CNTN4: variants seen among roughly 807,000 people sequenced by gnomAD.
CNTN4 encodes contactin 4.
Under a neutral mutation model 122.5 loss-of-function variants are expected in CNTN4, and 77 were observed. That is an observed-to-expected ratio of 0.63 (90% confidence interval 0.52 to 0.76). CNTN4 has a LOEUF of 0.76. Ranked by LOEUF, CNTN4 falls within the 30% of genes least tolerant of loss-of-function variation. The pLI, the probability that CNTN4 is intolerant of heterozygous loss-of-function variation, is 0.00. For synonymous variants in CNTN4, 512 were observed against 447.0 expected (o/e 1.15, Z -1.83); for missense variants, 1,256 against 1,259.1 (o/e 1.00, Z 0.04).
intron 3 of CNTN4, among the ~76,000 whole-genome samples, chr3:2,427,168 T>C (rs2047871800): frequency 6.6e-6 from 1 of 152,194 alleles, no homozygotes; most frequent in African/African-American, 2.4e-5. Flanking sequence ...GATGTTAGGG[T>C]GTCAATTTTA....
rs146437812 is a variant in CNTN4, at chr3:2,243,166, G to C, written c.-144-96012G>C. Among the ~76,000 whole-genome samples the C allele has an allele frequency of 4.6e-5, 7 of 152,148 alleles. No homozygotes were observed. The East Asian group carries it at 1.4e-3, about 29-fold the overall frequency. ...CTCTGCCACTGTCCTCTTAAACCTG[G>C]CAAATGCATAACTTTCTTTTGAGAC... On this transcript the variant is annotated intron_variant, in intron 2 of 24. Transcript: ENST00000418658.
At chr3:2,179,341 G>A (rs1458463479) in intron 2 of CNTN4, among the ~76,000 whole-genome samples, 1 of 151,976 alleles carries the variant, frequency 6.6e-6, no homozygotes, top group Non-Finnish European at 1.5e-5. Context: ...ATAAGGTAAA[G>A]CTGTCTAGCT....
chr3:2,180,669 TATCTC>T (rs764892977), intron 2 of CNTN4, among the ~76,000 whole-genome samples: 4 of 152,056 alleles, frequency 2.6e-5, no homozygotes, highest in Non-Finnish European at 4.4e-5. Context: ...CCAGCAAACT[TATCTC>T]AAGTATAGCA....
chr3:2,200,772 C>T (rs1575068708), intron 2 of CNTN4, among the ~76,000 whole-genome samples: 1 of 152,116 alleles, frequency 6.6e-6, no homozygotes, highest in Non-Finnish European at 1.5e-5. Flanking sequence ...AATCTCTTCT[C>T]TCCTGGTCCT....
chr3:2,234,738 G>C (rs552343259), intron 2 of CNTN4, among the ~76,000 whole-genome samples: 1 of 152,238 alleles, frequency 6.6e-6, no homozygotes, highest in East Asian at 1.9e-4. Context: ...CATTTTATGA[G>C]TGTGATCGTC....
At chr3:2,311,535 A>G (rs1575342347) in intron 2 of CNTN4, among the ~76,000 whole-genome samples, 1 of 152,082 alleles carries the variant, frequency 6.6e-6, no homozygotes, top group Admixed American at 6.6e-5. Flanking sequence ...AAAGTAGTAT[A>G]AAGCGTGTTA....
Position 2,504,839 on chromosome 3 carries a change from G to A in CNTN4, c.-88-66577G>A, listed in dbSNP as rs73000041. Among the ~76,000 whole-genome samples the A allele has an allele frequency of 7.9e-3, 1,206 of 152,164 alleles. 7 individuals carry two copies. Among genetic ancestry groups the A allele is most frequent in the Admixed American group, 0.013 (197 of 15,272 alleles). On this transcript the variant is annotated intron_variant, in intron 3 of 24. Transcript: ENST00000418658. The stretch of plus-strand genomic sequence containing the variant: ...ATTGAATTACATTCTGTAAAATAAT[G>A]GGGATAGGCTCTTTAAAAATGTCAA...
intron 2 of CNTN4, among the ~76,000 whole-genome samples, chr3:2,174,163 G>T (rs1044302687): frequency 2.0e-5 from 3 of 152,122 alleles, no homozygotes; most frequent in Admixed American, 2.0e-4. Flanking sequence ...CAGCAACTTG[G>T]TTTCTGCAGA....
chr3:2,262,825 A>G (rs189055422), intron 2 of CNTN4, among the ~76,000 whole-genome samples: 4 of 152,202 alleles, frequency 2.6e-5, no homozygotes, highest in Admixed American at 2.0e-4. Context: ...TTGAATTAAA[A>G]CTTGAGATAG....
intron 3 of CNTN4, among the ~76,000 whole-genome samples, chr3:2,359,388 G>A (rs916761981): frequency 1.3e-5 from 2 of 152,030 alleles, no homozygotes; most frequent in Admixed American, 1.3e-4. Flanking sequence ...AATTGGTCTT[G>A]TATCTGTTAT....
intron 3 of CNTN4, among the ~76,000 whole-genome samples, chr3:2,434,451 G>A (rs2048190065): frequency 6.6e-6 from 1 of 152,198 alleles, no homozygotes. Flanking sequence ...GAAACAAGGA[G>A]AATGTAAATG....
At chr3:2,651,986 T>A (rs968138193) in intron 4 of CNTN4, among the ~76,000 whole-genome samples, 1 of 151,486 alleles carries the variant, frequency 6.6e-6, no homozygotes, top group Non-Finnish European at 1.5e-5. Flanking sequence ...GGATTATAGG[T>A]GTGACCCACC....
At chr3:3,012,424 T>C (rs1441428578) in intron 14 of CNTN4, among the ~76,000 whole-genome samples, 1 of 152,020 alleles carries the variant, frequency 6.6e-6, no homozygotes, top group African/African-American at 2.4e-5. Context: ...GCTCTATTCT[T>C]GTTTGTTTGA....
At chr3:2,586,783 A>G (rs2080223972) in intron 4 of CNTN4, among the ~76,000 whole-genome samples, 1 of 152,100 alleles carries the variant, frequency 6.6e-6, no homozygotes, top group Admixed American at 6.5e-5. Flanking sequence ...AACTGCAACC[A>G]CACTGTAGTG....
intron 14 of CNTN4, among the ~76,000 whole-genome samples, chr3:2,994,050 A>G (rs572884124): frequency 6.6e-6 from 1 of 152,340 alleles, no homozygotes; most frequent in South Asian, 2.1e-4. Flanking sequence ...GAGGATTCAC[A>G]CAGCTGGAAC....
intron 13 of CNTN4, among the ~76,000 whole-genome samples, chr3:2,984,828 T>C (rs938351947): frequency 4.6e-5 from 7 of 152,248 alleles, no homozygotes; most frequent in African/African-American, 1.4e-4. Context: ...GATAAGTCTG[T>C]ACATAAAACA....
intron 3 of CNTN4, among the ~76,000 whole-genome samples, chr3:2,400,176 T>C (rs1420959094): frequency 6.6e-6 from 1 of 151,874 alleles, no homozygotes; most frequent in African/African-American, 2.4e-5. Context: ...AGCTCATTTG[T>C]GAAGCTTTCC....
intron 3 of CNTN4, among the ~76,000 whole-genome samples, chr3:2,468,666 T>C (rs1264597474): frequency 6.6e-6 from 1 of 152,200 alleles, no homozygotes; most frequent in Non-Finnish European, 1.5e-5. Flanking sequence ...TAGGACTATC[T>C]CAGAGGTTCA....
chr3:2,940,005 C>A (rs986561972), intron 13 of CNTN4, among the ~76,000 whole-genome samples: 1 of 152,192 alleles, frequency 6.6e-6, no homozygotes, highest in African/African-American at 2.4e-5. Context: ...GACAGCACAC[C>A]ACTAGCTGTG....
Sources: allele counts gnomAD v4.1 joint callset (sites outside exome capture counted in the v4.1 genomes callset), GRCh38; gene constraint gnomAD v4.1.1; transcripts MANE v1.5; gene names NCBI Gene and HGNC (gene_info 2026-07-23, HGNC 2026-07-21).